MSN: variants seen among roughly 807,000 people sequenced by gnomAD.
The protein encoded by MSN is moesin.
A neutral mutation model predicts 48.0 loss-of-function variants in MSN; 2 were observed. That is an observed-to-expected ratio of 0.04 (90% CI 0.02 to 0.13). MSN has a LOEUF of 0.13. MSN is among the 10% of genes least tolerant of loss of function. The probability of loss-of-function intolerance (pLI) is 1.00; values close to 1 mark genes in which losing one functional copy is unlikely to be tolerated. For missense variants in MSN, 267 were observed against 470.1 expected (o/e 0.57, Z 3.99); for synonymous variants, 146 against 166.9 (o/e 0.87, Z 0.97).
At chrX:65,648,898 T>TAAATAAAATA (rs761919813) in intron 1 of MSN, among the ~76,000 whole-genome samples, 56 of 107,093 alleles carry the variant, frequency 5.2e-4, no homozygotes, top group African/African-American at 1.8e-3. Context: ...ATAAATAAAA[T>TAAATAAAATA]AAATAAAATA....
intron 2 of MSN, among the ~76,000 whole-genome samples, chrX:65,723,066 C>T (rs191160127): frequency 1.3e-3 from 142 of 110,986 alleles, no homozygotes; most frequent in African/African-American, 4.5e-3. Flanking sequence ...TTTTATGTTG[C>T]TTGAACCCTG....
Position 65,727,872 on chromosome X carries a change from C to G in MSN, c.155C>G (p.Thr52Ser). 3 of 1,210,329 alleles carry G rather than the reference C, an allele frequency of 2.5e-6. No homozygotes were observed. The highest frequency in any genetic ancestry group is 1.8e-5 in the South Asian group (1 of 56,911). ...VWFFGLQYQDTKGFSTWLKLN... is the reference protein window; with the variant it reads ...VWFFGLQYQDSKGFSTWLKLN... ...TTCTTTGGTCTGCAGTACCAGGACA[C>G]TAAAGGTTTCTCCACCTGGCTGAAA... Residue 52 changes from threonine to serine, a missense_variant, in exon 3 of 13, where the codon ACT becomes AGT. Thr to Ser is a moderately conservative substitution (Grantham distance 58). Transcript: ENST00000360270.
intron 1 of MSN, among the ~76,000 whole-genome samples, chrX:65,591,324 A>T (rs1461128904): frequency 9.0e-6 from 1 of 110,693 alleles, no homozygotes; most frequent in Non-Finnish European, 1.9e-5. Flanking sequence ...GACTGTCATA[A>T]CTCTCACCAC....
At chrX:65,632,631 T>G (rs1376918306) in intron 1 of MSN, among the ~76,000 whole-genome samples, 1 of 112,254 alleles carries the variant, frequency 8.9e-6, no homozygotes, top group African/African-American at 3.2e-5. Flanking sequence ...GTTGTCGCTG[T>G]TTTTTTAATT....
At chrX:65,717,553 T>G (rs566561888) in intron 2 of MSN, among the ~76,000 whole-genome samples, 1 of 112,356 alleles carries the variant, frequency 8.9e-6, no homozygotes, top group East Asian at 2.8e-4. Context: ...GGGGTGTCCC[T>G]TCATTGTGAA....
At chrX:65,648,137 G>C (rs987583533) in intron 1 of MSN, among the ~76,000 whole-genome samples, 18 of 107,220 alleles carry the variant, frequency 1.7e-4, no homozygotes, top group Non-Finnish European at 3.0e-4. Context: ...GGAGGGGGTG[G>C]GGGGGGCGTG....
chrX:65,654,283 AT>A (rs1245312485), intron 1 of MSN, among the ~76,000 whole-genome samples: 14 of 100,983 alleles, frequency 1.4e-4, no homozygotes, highest in Admixed American at 3.3e-4. Flanking sequence ...TTTTTTATTT[AT>A]TTTTTTTTTG....
chrX:65,735,633 C>G (rs1396429713), intron 8 of MSN, among the ~76,000 whole-genome samples: 2 of 112,300 alleles, frequency 1.8e-5, no homozygotes, highest in Non-Finnish European at 1.9e-5. Flanking sequence ...GGAAACTGCC[C>G]TGTAGGACCT....
chrX:65,740,341 G>C lies in MSN; in HGVS notation c.*448G>C, dbSNP rs2071723988. The C allele has an allele frequency of 5.6e-6, 1 of 179,627 alleles. No homozygotes were observed. Among genetic ancestry groups the C allele is most frequent in the East Asian group, 8.0e-5 (1 of 12,459 alleles). 14.8% of individuals were successfully genotyped at this position (179,627 alleles called of 1,213,427 possible). Reference sequence around the variant, plus strand: ...TTATGCGGTCTAGGGAATGAGACAGGACCTAGGATATCTTCTCCAGGATGT... The same window carrying C: ...TTATGCGGTCTAGGGAATGAGACAGCACCTAGGATATCTTCTCCAGGATGT... On this transcript the variant is annotated 3_prime_UTR_variant, in exon 13 of 13. Coordinates refer to ENST00000360270, the MANE Select transcript of MSN (RefSeq NM_002444.3).
chrX:65,669,003 C>A (rs1408304705), intron 1 of MSN, among the ~76,000 whole-genome samples: 1 of 111,268 alleles, frequency 9.0e-6, no homozygotes, highest in Non-Finnish European at 1.9e-5. Flanking sequence ...GGGGGCCCAG[C>A]CTTTTGGGTT....
intron 1 of MSN, among the ~76,000 whole-genome samples, chrX:65,611,288 T>C (rs765977188): frequency 4.5e-5 from 5 of 109,959 alleles, no homozygotes; most frequent in East Asian, 2.8e-4. Flanking sequence ...GCCTCCCAAG[T>C]AGCTGCGATT....
At chrX:65,622,518 T>G (rs1394951191) in intron 1 of MSN, among the ~76,000 whole-genome samples, 2 of 100,666 alleles carry the variant, frequency 2.0e-5, no homozygotes, top group Admixed American at 1.1e-4. Flanking sequence ...TTGTTTTTTT[T>G]TTTTTTTTTT....
At chrX:65,650,476 C>A (rs973142780) in intron 1 of MSN, among the ~76,000 whole-genome samples, 1 of 112,404 alleles carries the variant, frequency 8.9e-6, no homozygotes, top group African/African-American at 3.2e-5. Context: ...GGGGAGGTGC[C>A]AGCCTCCTTT....
chrX:65,656,909 G>C (rs1250243126), intron 1 of MSN, among the ~76,000 whole-genome samples: 2 of 111,705 alleles, frequency 1.8e-5, no homozygotes, highest in East Asian at 5.7e-4. Context: ...GTGTGCATTG[G>C]TGTGTGTGTG....
At chrX:65,738,477 C>T in intron 10 of MSN, 48 bp from the exon 11 acceptor site, 1 of 1,135,792 alleles carries the variant, frequency 8.8e-7, no homozygotes, top group Non-Finnish European at 1.2e-6. Context: ...CACCTGGGTC[C>T]TGAGGACCAG....
Position 65,723,082 on chromosome X carries a change from C to A in MSN, c.97-4732C>A, listed in dbSNP as rs144403655. ...TTTATGTTGCTTGAACCCTGTAACT[C>A]TCCACAGTCATGGAGCTGAGTAGAA... On this transcript the variant is annotated intron_variant, in intron 2 of 12. Coordinates refer to ENST00000360270, the MANE Select transcript of MSN (RefSeq NM_002444.3). Among the ~76,000 whole-genome samples, 123 of 111,419 alleles carry A rather than the reference C, an allele frequency of 1.1e-3. 3 individuals carry two copies. The East Asian group carries it at 0.034, about 30-fold the overall frequency.
intron 1 of MSN, among the ~76,000 whole-genome samples, chrX:65,707,189 G>A (rs1270066910): frequency 9.0e-6 from 1 of 111,457 alleles, no homozygotes; most frequent in African/African-American, 3.3e-5. Context: ...TTACTTTTGT[G>A]TCTCAGCCCA....
rs762463654 is a variant in MSN at position 65,634,927 on chromosome X, G to A, written c.-22+46315G>A. Among the ~76,000 whole-genome samples the A allele has an allele frequency of 4.6e-4, 51 of 111,521 alleles. 1 individual carries two copies. In the East Asian group the frequency reaches 6.0e-3, roughly 13 times the overall value. ...TACCCCTCGGACACTGGACTCCACA[G>A]GGACCACTCCCAGGGCTCAGCCCAA... On this transcript the variant is annotated intron_variant, in intron 1 of 3. Coordinates refer to the MSN transcript ENST00000609672.
intron 1 of MSN, among the ~76,000 whole-genome samples, chrX:65,680,302 C>T (rs2071041740): frequency 9.0e-6 from 1 of 111,439 alleles, no homozygotes; most frequent in African/African-American, 3.3e-5. Flanking sequence ...ATATATGTAC[C>T]TTAGTTTTTG....
Sources: allele counts gnomAD v4.1 joint callset (sites outside exome capture counted in the v4.1 genomes callset), GRCh38; gene constraint gnomAD v4.1.1; transcripts MANE v1.5; gene names NCBI Gene and HGNC (gene_info 2026-07-23, HGNC 2026-07-21).